Variants in NAALADL2 observed in about 807,000 individuals in gnomAD.
The protein encoded by NAALADL2 is inactive N-acetylated-alpha-linked acidic dipeptidase-like protein 2.
In NAALADL2, 76 loss-of-function variants were observed where a neutral mutation model predicts 87.2. That is an observed-to-expected ratio of 0.87 (90% CI 0.72 to 1.05). The LOEUF is 1.05. Among genes scored for constraint, NAALADL2 ranks in the 50% least tolerant of loss-of-function variants. The pLI is 0.00. For missense variants in NAALADL2, 1,089 were observed against 945.8 expected (o/e 1.15, Z -1.99); for synonymous variants, 354 against 331.0 (o/e 1.07, Z -0.75).
At chr3:175,734,075 T>C (rs1197961774) in intron 11 of NAALADL2, among the ~76,000 whole-genome samples, 1 of 152,204 alleles carries the variant, frequency 6.6e-6, no homozygotes, top group African/African-American at 2.4e-5. Flanking sequence ...GGATCTACCA[T>C]TCTGGGGTCT....
At chr3:175,557,026 G>A (rs1044761878) in intron 9 of NAALADL2, among the ~76,000 whole-genome samples, 6 of 152,158 alleles carry the variant, frequency 3.9e-5, no homozygotes, top group Non-Finnish European at 8.8e-5. Context: ...AAGTATTCAT[G>A]GAAATGTACA....
At chr3:175,279,212 A>G (rs1434654532) in intron 4 of NAALADL2, among the ~76,000 whole-genome samples, 1 of 152,176 alleles carries the variant, frequency 6.6e-6, no homozygotes, top group Non-Finnish European at 1.5e-5. Context: ...TTCATTTTAT[A>G]TGGGACCCTA....
chr3:175,403,190 CT>C (rs546141205), intron 5 of NAALADL2, among the ~76,000 whole-genome samples: 173 of 151,924 alleles, frequency 1.1e-3, no homozygotes, highest in African/African-American at 4.0e-3. Flanking sequence ...TTCTTTTTTG[CT>C]TTGTTTTCAC....
intron 4 of NAALADL2, among the ~76,000 whole-genome samples, chr3:175,318,048 T>G (rs993550644): frequency 1.3e-5 from 2 of 152,126 alleles, no homozygotes; most frequent in African/African-American, 2.4e-5. Flanking sequence ...TTATTTTAAT[T>G]AACAAATTAA....
At chr3:174,716,825 A>G (rs1731238441) in intron 2 of NAALADL2, among the ~76,000 whole-genome samples, 1 of 152,106 alleles carries the variant, frequency 6.6e-6, no homozygotes. Context: ...TTAATAATGT[A>G]TGATTATATT....
chr3:175,538,376 G>C (rs572764661), intron 9 of NAALADL2, among the ~76,000 whole-genome samples: 5 of 150,156 alleles, frequency 3.3e-5, no homozygotes, highest in Non-Finnish European at 7.4e-5. Flanking sequence ...GCACATTTTA[G>C]AAAGTTAAAA....
At chr3:174,894,531 T>TTGCAATGAG (rs1199517024) in intron 1 of NAALADL2, among the ~76,000 whole-genome samples, 11 of 133,852 alleles carry the variant, frequency 8.2e-5, no homozygotes, top group Non-Finnish European at 1.4e-4. Context: ...GAGGCGGAGG[T>TTGCAATGAG]TGCAATGAGC....
rs1189536854 is a variant in NAALADL2, at chr3:174,882,506, TATATACATATGTGC to T, written c.43+23064_43+23077del. On this transcript the variant is annotated intron_variant, in intron 1 of 13. Transcript: ENST00000454872. ...ACATATGTGCATATACATATATGTG[TATATACATATGTGC>T]ATATACACATATATGCATACACACA... Among the ~76,000 whole-genome samples, 261 of 150,430 alleles carry T rather than the reference TATATACATATGTGC, an allele frequency of 1.7e-3. 2 individuals carry two copies. The highest frequency in any genetic ancestry group is 6.2e-3 in the African/African-American group (250 of 40,534).
chr3:174,522,879 A>C (rs537434693), intron 1 of NAALADL2, among the ~76,000 whole-genome samples: 5 of 138,692 alleles, frequency 3.6e-5, no homozygotes, highest in Non-Finnish European at 7.6e-5. Context: ...GCTTGCAGTG[A>C]GCCGAGATCT....
At chr3:174,571,142 A>G (rs1714867431) in intron 2 of NAALADL2, among the ~76,000 whole-genome samples, 1 of 152,152 alleles carries the variant, frequency 6.6e-6, no homozygotes, top group Non-Finnish European at 1.5e-5. Context: ...AAGGAACTAT[A>G]CAATACTTTT....
intron 1 of NAALADL2, among the ~76,000 whole-genome samples, chr3:174,896,538 G>C (rs1239097810): frequency 3.9e-5 from 6 of 152,050 alleles, no homozygotes; most frequent in South Asian, 4.1e-4. Flanking sequence ...AAATGGAAAA[G>C]TATTCCTTAT....
chr3:175,539,703 G>C (rs571409521), intron 9 of NAALADL2, among the ~76,000 whole-genome samples: 1 of 151,972 alleles, frequency 6.6e-6, no homozygotes, highest in Non-Finnish European at 1.5e-5. Flanking sequence ...CTTTAAAATG[G>C]TAAATTGGGG....
At chr3:175,056,818 A>G (rs917286441) in intron 1 of NAALADL2, among the ~76,000 whole-genome samples, 18 of 152,298 alleles carry the variant, frequency 1.2e-4, no homozygotes, top group African/African-American at 4.1e-4. Flanking sequence ...CACTCATGCT[A>G]TTGTTTGTGG....
intron 1 of NAALADL2, among the ~76,000 whole-genome samples, chr3:174,890,096 T>C (rs2078734497): frequency 6.6e-6 from 1 of 152,180 alleles, no homozygotes; most frequent in Admixed American, 6.5e-5. Flanking sequence ...GTACCATCAC[T>C]CTAGAACATT....
Position 174,906,524 on chromosome 3 carries a change from C to T in NAALADL2, c.43+47074C>T, listed in dbSNP as rs577697179. Among the ~76,000 whole-genome samples, 3 of 152,212 alleles carry T rather than the reference C, an allele frequency of 2.0e-5. No homozygotes were observed. In the South Asian group the frequency reaches 6.2e-4, roughly 32 times the overall value. On this transcript the variant is annotated intron_variant, in intron 1 of 13. Transcript: ENST00000454872. ...GTAAAGTACCCTCTGGATAGGCCTA[C>T]ATGGCAAGGATTTGAAGAAAGCCTC...
intron 5 of NAALADL2, among the ~76,000 whole-genome samples, chr3:175,414,443 T>A (rs1453264619): frequency 6.6e-6 from 1 of 152,228 alleles, no homozygotes; most frequent in Non-Finnish European, 1.5e-5. Flanking sequence ...ACTTATAGAC[T>A]ACTGATCTAT....
rs566410784 is a variant in NAALADL2, at chr3:175,186,615, T to A, written c.546-47316T>A. Among the ~76,000 whole-genome samples, 34 of 152,292 alleles carry A rather than the reference T, an allele frequency of 2.2e-4. No homozygotes were observed. In the South Asian group the frequency reaches 7.0e-3, roughly 32 times the overall value. The stretch of plus-strand genomic sequence containing the variant: ...AACTGTTTCTTTGTTAAATATAGCT[T>A]GCTTTTACTTTACTACCTTTGAATT... On this transcript the variant is annotated intron_variant, in intron 2 of 13. Coordinates refer to ENST00000454872, the MANE Select transcript of NAALADL2 (RefSeq NM_207015.3).
intron 2 of NAALADL2, among the ~76,000 whole-genome samples, chr3:175,169,489 C>T (rs1336438835): frequency 1.4e-5 from 2 of 146,994 alleles, no homozygotes; most frequent in East Asian, 2.0e-4. Flanking sequence ...TTGACATATA[C>T]AAATGATAAT....
intron 11 of NAALADL2, among the ~76,000 whole-genome samples, chr3:175,669,976 A>C (rs1010724889): frequency 3.3e-5 from 5 of 152,058 alleles, no homozygotes; most frequent in Non-Finnish European, 4.4e-5. Context: ...CATCTTTTCA[A>C]AATCAGTAAT....
Sources: allele counts gnomAD v4.1 joint callset (sites outside exome capture counted in the v4.1 genomes callset), GRCh38; gene constraint gnomAD v4.1.1; transcripts MANE v1.5; gene names NCBI Gene and HGNC (gene_info 2026-07-23, HGNC 2026-07-21).